The following YWHAG variants were observed in gnomAD, a reference collection of about 807,000 sequenced individuals.
YWHAG encodes the protein 14-3-3 protein gamma.
In YWHAG, 1 loss-of-function variant was observed where a neutral mutation model predicts 23.3. That is an observed-to-expected ratio of 0.04 (90% CI 0.02 to 0.20). The LOEUF is 0.20. Ranked by LOEUF, YWHAG falls within the 10% of genes least tolerant of loss-of-function variation. The pLI is 1.00. For synonymous variants in YWHAG, 160 were observed against 144.0 expected (o/e 1.11, Z -0.80); for missense variants, 151 against 338.6 (o/e 0.45, Z 4.35).
intron 1 of YWHAG, among the ~76,000 whole-genome samples, chr7:76,356,810 G>A (rs1400504726): frequency 6.6e-6 from 1 of 152,182 alleles, no homozygotes; most frequent in East Asian, 1.9e-4. Flanking sequence ...GCATGTCTAA[G>A]GGTAAATGAT....
intron 1 of YWHAG, among the ~76,000 whole-genome samples, chr7:76,350,066 G>A (rs146800197): frequency 2.8e-4 from 43 of 152,280 alleles, no homozygotes; most frequent in Admixed American, 1.1e-3. Flanking sequence ...ATAAAAGACC[G>A]ATGTGCTGAA....
At chr7:76,356,628 A>C (rs1050485568) in intron 1 of YWHAG, among the ~76,000 whole-genome samples, 5 of 152,244 alleles carry the variant, frequency 3.3e-5, no homozygotes, top group African/African-American at 7.2e-5. Context: ...TTCTTGTTTA[A>C]AATTTCTTTT....
At chr7:76,336,379 T>C (rs1803615233) in intron 1 of YWHAG, among the ~76,000 whole-genome samples, 1 of 151,470 alleles carries the variant, frequency 6.6e-6, no homozygotes, top group Non-Finnish European at 1.5e-5. Context: ...GCTGTGCTTG[T>C]GTGGGGCAGG....
At chr7:76,339,712 C>G (rs771942352) in intron 1 of YWHAG, among the ~76,000 whole-genome samples, 2 of 152,106 alleles carry the variant, frequency 1.3e-5, no homozygotes, top group Admixed American at 6.6e-5. Context: ...CTATTCAACA[C>G]GAAGACCGTA....
intron 1 of YWHAG, among the ~76,000 whole-genome samples, chr7:76,331,785 C>CT (rs988525145): frequency 4.6e-5 from 7 of 151,616 alleles, no homozygotes; most frequent in African/African-American, 1.7e-4. Context: ...GGGAGGACTG[C>CT]TTGAGGCCAG....
In YWHAG at chr7:76,328,378, G is replaced by A. The variant is rs1803484936; in HGVS notation, c.*1199C>T. 1 of 152,176 alleles carries A rather than the reference G, an allele frequency of 6.6e-6. No individual in the cohort carries two copies. The highest frequency in any genetic ancestry group is 1.5e-5 in the Non-Finnish European group (1 of 68,042). 9.4% of individuals were successfully genotyped at this position (152,176 alleles called of 1,614,324 possible). On this transcript the variant is annotated 3_prime_UTR_variant, in exon 2 of 2. Coordinates refer to ENST00000307630, the MANE Select transcript of YWHAG (RefSeq NM_012479.4). ...TTTTATCTTCCTACAATTACTTGGG[G>A]AAGGAGTGTCTTCGGGGAGGAAAAA...
chr7:76,353,399 A>G (rs1430053953), intron 1 of YWHAG, among the ~76,000 whole-genome samples: 2 of 151,994 alleles, frequency 1.3e-5, no homozygotes, highest in Admixed American at 1.3e-4. Context: ...TTTTTAGTAG[A>G]GACAAGTTTC....
chr7:76,342,820 C>T (rs1803717728), intron 1 of YWHAG, among the ~76,000 whole-genome samples: 1 of 151,826 alleles, frequency 6.6e-6, no homozygotes, highest in Admixed American at 6.6e-5. Flanking sequence ...GAGGACTTTC[C>T]CACCAAAAAA....
At position 76,329,380 on chromosome 7, in the gene YWHAG, G is replaced by T; in HGVS notation, c.*197C>A. Reference sequence around the variant, plus strand: ...GTGTGAGGCTGCTATTCCAATACCAGCACAGCTAGCCTGACTTTCCACTAG... The same window carrying T: ...GTGTGAGGCTGCTATTCCAATACCATCACAGCTAGCCTGACTTTCCACTAG... On this transcript the variant is annotated 3_prime_UTR_variant, in exon 2 of 2. Coordinates refer to ENST00000307630, the MANE Select transcript of YWHAG (RefSeq NM_012479.4). The surrounding 1 kb of genome is among the most constrained non-coding windows in gnomAD (Gnocchi z 6.1). The T allele has an allele frequency of 1.5e-6, 1 of 650,766 alleles. No homozygotes were observed. Among genetic ancestry groups the T allele is most frequent in the Non-Finnish European group, 2.6e-6 (1 of 388,366 alleles). The allele number at this position is 650,766 out of a possible 1,614,324, so 40.3% of individuals were successfully genotyped here.
Position 76,329,489 on chromosome 7 carries a change from T to TGCCAACCC in YWHAG, c.*87_*88insGGGTTGGC. ...TCCCTGGGAAGGTCATCCCTCCCTTTCCCTCCCCCACCCGACCCCCAACTC... is the reference window on the plus strand; with the variant it reads ...TCCCTGGGAAGGTCATCCCTCCCTTTGCCAACCCCCCTCCCCCACCCGACCCCCAACTC... On this transcript the variant is annotated 3_prime_UTR_variant, in exon 2 of 2. Coordinates refer to ENST00000307630, the MANE Select transcript of YWHAG (RefSeq NM_012479.4). The surrounding 1 kb of genome is among the most constrained non-coding windows in gnomAD (Gnocchi z 6.1). The TGCCAACCC allele has an allele frequency of 9.8e-7, 1 of 1,024,228 alleles. No individual in the cohort carries two copies. Among genetic ancestry groups the TGCCAACCC allele is most frequent in the Non-Finnish European group, 1.4e-6 (1 of 740,082 alleles). 63.4% of individuals were successfully genotyped at this position (1,024,228 alleles called of 1,614,324 possible).
At chr7:76,355,009 T>C (rs1268923799) in intron 1 of YWHAG, among the ~76,000 whole-genome samples, 1 of 152,254 alleles carries the variant, frequency 6.6e-6, no homozygotes, top group Non-Finnish European at 1.5e-5. Flanking sequence ...TATCGCTGGC[T>C]GTGAGCTGTT....
chr7:76,333,836 T>C (rs571299540), intron 1 of YWHAG, among the ~76,000 whole-genome samples: 2 of 152,364 alleles, frequency 1.3e-5, no homozygotes, highest in Non-Finnish European at 2.9e-5. Flanking sequence ...AGTTCTGGCC[T>C]TTCCCCTAAA....
chr7:76,357,154 A>G (rs1803974227), intron 1 of YWHAG, among the ~76,000 whole-genome samples: 1 of 150,714 alleles, frequency 6.6e-6, no homozygotes, highest in Non-Finnish European at 1.5e-5. Context: ...AAAACCTTGT[A>G]AGACAGCAAC....
chr7:76,356,748 G>A (rs1379541330), intron 1 of YWHAG, among the ~76,000 whole-genome samples: 1 of 152,168 alleles, frequency 6.6e-6, no homozygotes. Context: ...ATAAACTTTT[G>A]TGAGAAAGCT....
At chr7:76,356,941 C>T (rs1346867802) in intron 1 of YWHAG, among the ~76,000 whole-genome samples, 3 of 152,222 alleles carry the variant, frequency 2.0e-5, no homozygotes, top group Non-Finnish European at 4.4e-5. Context: ...CCTACCAGCC[C>T]TTAGGTGCAT....
chr7:76,347,295 C>T (rs1017671528), intron 1 of YWHAG, among the ~76,000 whole-genome samples: 1 of 152,186 alleles, frequency 6.6e-6, no homozygotes, highest in Non-Finnish European at 1.5e-5. Flanking sequence ...CAAATGCTTA[C>T]ATCCAAATAC....
At chr7:76,357,130 A>G (rs1803973588) in intron 1 of YWHAG, among the ~76,000 whole-genome samples, 1 of 152,222 alleles carries the variant, frequency 6.6e-6, no homozygotes, top group Non-Finnish European at 1.5e-5. Context: ...TGCAACTTAC[A>G]TCATTTAAGC....
At chr7:76,358,368 G>C (rs929505617) in intron 1 of YWHAG, among the ~76,000 whole-genome samples, 1 of 152,308 alleles carries the variant, frequency 6.6e-6, no homozygotes, top group African/African-American at 2.4e-5. Flanking sequence ...TAGGAGGAGG[G>C]GGGAAGTGGG....
chr7:76,335,338 G>A (rs899837638), intron 1 of YWHAG, among the ~76,000 whole-genome samples: 4 of 152,206 alleles, frequency 2.6e-5, no homozygotes, highest in Admixed American at 2.6e-4. Context: ...TTACAGGCGT[G>A]AGCCACCGCG....
Sources: gnomAD v4.1 joint callset for allele counts (sites outside exome capture counted in the v4.1 genomes callset) on GRCh38, gnomAD v4.1.1 for gene constraint, Gnocchi (gnomAD v3.1) non-coding constraint, MANE v1.5 for transcripts, NCBI Gene and HGNC (gene_info 2026-07-23, HGNC 2026-07-21) for gene names.